Variants in CORO2A observed in about 807,000 individuals in gnomAD.
CORO2A encodes the protein coronin 2A, also known as coronin-2A.
Under a neutral mutation model 62.4 loss-of-function variants are expected in CORO2A, and 47 were observed. The ratio of observed to expected loss-of-function variants is 0.75; its 90% confidence interval spans 0.60 to 0.96. The LOEUF is 0.96. CORO2A is among the 40% of genes least tolerant of loss of function. The probability of loss-of-function intolerance (pLI) is 0.00; values close to 1 mark genes in which losing one functional copy is unlikely to be tolerated. For synonymous variants in CORO2A, 273 were observed against 268.9 expected, an observed-to-expected ratio of 1.02 and a Z score of -0.15; for missense variants, 610 against 684.1, an observed-to-expected ratio of 0.89 and a Z score of 1.21.
At chr9:98,133,919 T>A (rs1291888864) in intron 4 of CORO2A, among the ~76,000 whole-genome samples, 1 of 151,522 alleles carries the variant, frequency 6.6e-6, no homozygotes, top group Non-Finnish European at 1.5e-5. Flanking sequence ...CACACCTGGC[T>A]AATTTTTTCT....
chr9:98,186,112 A>T (rs1232853218), intron 1 of CORO2A, among the ~76,000 whole-genome samples: 3 of 152,230 alleles, frequency 2.0e-5, no homozygotes, highest in Admixed American at 1.3e-4. Context: ...GCCAGGCTAG[A>T]AGCAGCTGTC....
chr9:98,156,802 T>A (rs1827811222), intron 2 of CORO2A, among the ~76,000 whole-genome samples: 1 of 152,236 alleles, frequency 6.6e-6, no homozygotes, highest in African/African-American at 2.4e-5. Context: ...ACATTGTGGA[T>A]GCTTTCCTCT....
At chr9:98,157,367 G>T in intron 2 of CORO2A, 93 bp downstream of exon 2, 1 of 1,194,576 alleles carries the variant, frequency 8.4e-7, no homozygotes, top group South Asian at 1.4e-5. Context: ...GTAATGGGCA[G>T]GGCTAGGACT....
At chr9:98,174,969 T>G (rs1457945217) in intron 1 of CORO2A, among the ~76,000 whole-genome samples, 1 of 151,998 alleles carries the variant, frequency 6.6e-6, no homozygotes, top group Non-Finnish European at 1.5e-5. Context: ...TCACCATCAT[T>G]AAAAAAATAA....
At chr9:98,163,095 G>C (rs1827907414) in intron 1 of CORO2A, among the ~76,000 whole-genome samples, 1 of 152,256 alleles carries the variant, frequency 6.6e-6, no homozygotes, top group Admixed American at 6.5e-5. Context: ...GGCTTGGTGG[G>C]CCTGATGCCA....
At chr9:98,181,117 C>A (rs1828170405) in intron 1 of CORO2A, among the ~76,000 whole-genome samples, 1 of 151,772 alleles carries the variant, frequency 6.6e-6, no homozygotes, top group South Asian at 2.1e-4. Context: ...TGGACAATAA[C>A]CAGCCCTGGG....
chr9:98,167,360 T>C (rs988168965), intron 1 of CORO2A, among the ~76,000 whole-genome samples: 1 of 152,166 alleles, frequency 6.6e-6, no homozygotes, highest in African/African-American at 2.4e-5. Flanking sequence ...TTTTGCAAGA[T>C]AAAGAGTTCT....
chr9:98,163,357 T>G (rs1271593362), intron 1 of CORO2A, among the ~76,000 whole-genome samples: 1 of 152,136 alleles, frequency 6.6e-6, no homozygotes, highest in Admixed American at 6.5e-5. Context: ...GCCCCACTAA[T>G]TTTTGTATTT....
intron 3 of CORO2A, 144 bp from the exon 4 acceptor site, chr9:98,135,099 A>T (rs946899092): frequency 2.8e-6 from 3 of 1,086,538 alleles, no homozygotes; most frequent in African/African-American, 1.6e-5. Context: ...GGCTATGGGC[A>T]TTGAGGGGCA....
intron 2 of CORO2A, among the ~76,000 whole-genome samples, chr9:98,144,801 G>A (rs1034087708): frequency 6.6e-6 from 1 of 152,128 alleles, no homozygotes; most frequent in Non-Finnish European, 1.5e-5. Flanking sequence ...TAGGCTGGAG[G>A]ACAGGGCAAG....
intron 1 of CORO2A, among the ~76,000 whole-genome samples, chr9:98,162,779 G>A (rs1024336597): frequency 2.0e-5 from 3 of 152,202 alleles, no homozygotes; most frequent in South Asian, 4.1e-4. Flanking sequence ...ATGCATGAGC[G>A]CATGCGTGTA....
Position 98,183,089 on chromosome 9 carries a change from G to A in CORO2A, c.-1+9470C>T, listed in dbSNP as rs144449940. On this transcript the variant is annotated intron_variant, in intron 1 of 11. Transcript: ENST00000375077. ...TCACCCTGGATCTCCAGAGCTTCAC[G>A]GAATTTGAAGGCTCAGGCCCTTCCC... Among the ~76,000 whole-genome samples the A allele has an allele frequency of 4.0e-3, 609 of 152,304 alleles. 3 individuals carry two copies. Among genetic ancestry groups the A allele is most frequent in the South Asian group, 8.5e-3 (41 of 4,820 alleles).
At position 98,122,171 on chromosome 9, in the gene CORO2A, A is replaced by G. The variant is rs1183706961; in HGVS notation, c.*2603T>C. On this transcript the variant is annotated 3_prime_UTR_variant, in exon 12 of 12. Coordinates refer to ENST00000375077, the MANE Select transcript of CORO2A (RefSeq NM_052820.4). ...GGCAGGACTTAAGAGATCTGGGTTG[A>G]GTCCCAGCTCCTGTCTGGAGCTTGC... The G allele has an allele frequency of 6.6e-6, 1 of 152,214 alleles. No individual in the cohort carries two copies. The highest frequency in any genetic ancestry group is 1.5e-5 in the Non-Finnish European group (1 of 68,040). 9.4% of individuals were successfully genotyped at this position (152,214 alleles called of 1,614,324 possible). A position where few individuals can be genotyped will look rare whatever the true frequency, so the allele number is the denominator to read the frequency against.
intron 1 of CORO2A, among the ~76,000 whole-genome samples, chr9:98,181,500 T>C (rs1828177356): frequency 6.6e-6 from 1 of 152,104 alleles, no homozygotes; most frequent in Non-Finnish European, 1.5e-5. Flanking sequence ...AACTTGGTCA[T>C]TTAGTCTCAG....
chr9:98,145,159 T>C (rs1827625563), intron 2 of CORO2A, among the ~76,000 whole-genome samples: 1 of 152,170 alleles, frequency 6.6e-6, no homozygotes, highest in African/African-American at 2.4e-5. Flanking sequence ...ATGAAAGCGG[T>C]GAACCACAGC....
chr9:98,156,630 T>TTTC (rs1203866370), intron 2 of CORO2A, among the ~76,000 whole-genome samples: 1 of 152,266 alleles, frequency 6.6e-6, no homozygotes, highest in Admixed American at 6.5e-5. Context: ...GGAAACCTGG[T>TTTC]CTATGAGATT....
intron 1 of CORO2A, among the ~76,000 whole-genome samples, chr9:98,177,457 G>GTT (rs1174402008): frequency 0.027 from 2,628 of 98,196 alleles, 282 homozygotes; most frequent in African/African-American, 0.087. Flanking sequence ...TCCAAACTTT[G>GTT]TTTTTTTTTT....
At position 98,126,631 on chromosome 9, in the gene CORO2A, TCTG is replaced by T; in HGVS notation, c.1361_1363del (p.Ala454del). The T allele has an allele frequency of 1.9e-6, 3 of 1,614,222 alleles. No individual in the cohort carries two copies. The highest frequency in any genetic ancestry group is 2.5e-6 in the Non-Finnish European group (3 of 1,180,036). On this transcript the variant is annotated inframe_deletion, in exon 11 of 12. Coordinates refer to ENST00000375077, the MANE Select transcript of CORO2A (RefSeq NM_052820.4). ...GGTTTTCTTCTCCTCCAGCCTGTGT[TCTG>T]CTGCCCACCTTGGCATCTTCTCCTC...
chr9:98,149,467 C>T (rs777495911), intron 2 of CORO2A, among the ~76,000 whole-genome samples: 120 of 152,322 alleles, frequency 7.9e-4, no homozygotes, highest in Middle Eastern at 6.8e-3. Context: ...AAAGAAAAGA[C>T]GTTTGTTTGG....
Sources: allele counts gnomAD v4.1 joint callset (sites outside exome capture counted in the v4.1 genomes callset), GRCh38; gene constraint gnomAD v4.1.1; transcripts MANE v1.5; gene names NCBI Gene and HGNC (gene_info 2026-07-23, HGNC 2026-07-21).